The following AOAH variants were observed in gnomAD, a reference collection of about 807,000 sequenced individuals.
The protein encoded by AOAH is acyloxyacyl hydrolase, also known as acyloxyacyl hydrolase (neutrophil).
In AOAH, 64 loss-of-function variants were observed where a neutral mutation model predicts 92.2. The observed-to-expected ratio is 0.69, with a 90% CI of 0.57 to 0.86. The LOEUF (loss-of-function observed/expected upper bound fraction) is 0.86. AOAH is among the 40% of genes least tolerant of loss of function. The pLI, the probability that AOAH is intolerant of heterozygous loss-of-function variation, is 0.00. For synonymous variants in AOAH, 263 were observed against 254.5 expected (o/e 1.03, Z -0.32); for missense variants, 656 against 694.6 (o/e 0.94, Z 0.62).
intron 5 of AOAH, among the ~76,000 whole-genome samples, chr7:36,634,389 C>T (rs2727827): frequency 0.023 from 3,434 of 152,214 alleles, 67 homozygotes; most frequent in African/African-American, 0.056. Context: ...AATCCCTATC[C>T]TGTTTTGTTC....
intron 8 of AOAH, 65 bp from the exon 9 acceptor site, chr7:36,620,894 T>C (rs1792230802): frequency 3.5e-6 from 5 of 1,430,758 alleles, no homozygotes; most frequent in Non-Finnish European, 4.9e-6. Context: ...GTCAGTTTCA[T>C]GCATGAATGA....
intron 2 of AOAH, among the ~76,000 whole-genome samples, chr7:36,683,621 A>T: frequency 6.6e-6 from 1 of 152,314 alleles, no homozygotes; most frequent in East Asian, 1.9e-4. Context: ...TGGAGATTTT[A>T]ATTCTATCAA....
intron 2 of AOAH, among the ~76,000 whole-genome samples, chr7:36,675,505 T>G (rs951374513): frequency 2.0e-5 from 3 of 152,184 alleles, no homozygotes; most frequent in African/African-American, 7.2e-5. Flanking sequence ...AATTAAAAAC[T>G]TCCCACAAAG....
chr7:36,586,128 C>T (rs1158541343), intron 12 of AOAH, among the ~76,000 whole-genome samples: 2 of 152,036 alleles, frequency 1.3e-5, no homozygotes, highest in African/African-American at 4.8e-5. Flanking sequence ...CCTTCATTCC[C>T]TTTCTCTGCC....
chr7:36,681,022 T>G (rs533719662), intron 2 of AOAH, among the ~76,000 whole-genome samples: 131 of 152,234 alleles, frequency 8.6e-4, no homozygotes, highest in African/African-American at 3.1e-3. Flanking sequence ...GAAGAGGGAA[T>G]AATCTAGGAA....
chr7:36,571,254 CA>C (rs1303713319), intron 13 of AOAH, among the ~76,000 whole-genome samples: 1 of 152,170 alleles, frequency 6.6e-6, no homozygotes, highest in Non-Finnish European at 1.5e-5. Context: ...TGGGTCTCCC[CA>C]GCTGGGTGGG....
chr7:36,554,519 AGAAAGTCATTGGTAGCTT>A (rs1489663418), intron 13 of AOAH, among the ~76,000 whole-genome samples: 1 of 152,238 alleles, frequency 6.6e-6, no homozygotes, highest in African/African-American at 2.4e-5. Context: ...AATTCTGTGA[AGAAAGTCATTGGTAGCTT>A]GATGGCGATG....
At chr7:36,718,904 T>C (rs1475176655) in intron 1 of AOAH, among the ~76,000 whole-genome samples, 1 of 152,244 alleles carries the variant, frequency 6.6e-6, no homozygotes, top group East Asian at 1.9e-4. Context: ...ATGCCACTTT[T>C]ACACTTTAAA....
chr7:36,584,190 T>A lies in AOAH; in HGVS notation c.939-7534A>T, dbSNP rs1475373357. On this transcript the variant is annotated intron_variant, in intron 12 of 20. Transcript: ENST00000617537. ...TATACCAAATAAGCTTGTTTCCCTT[T>A]ATTTAAATTAACATTTCCAAAACTT... Among the ~76,000 whole-genome samples, 5 of 152,380 alleles carry A rather than the reference T, an allele frequency of 3.3e-5. No homozygotes were observed. In the East Asian group the frequency reaches 5.8e-4, roughly 18 times the overall value.
intron 11 of AOAH, among the ~76,000 whole-genome samples, chr7:36,613,310 C>G (rs1258862533): frequency 6.6e-6 from 1 of 152,150 alleles, no homozygotes; most frequent in Non-Finnish European, 1.5e-5. Context: ...CTCCTAGTAT[C>G]TTCCCTCGTT....
chr7:36,615,921 T>C (rs927692657), intron 11 of AOAH, among the ~76,000 whole-genome samples: 2 of 151,866 alleles, frequency 1.3e-5, no homozygotes, highest in Non-Finnish European at 2.9e-5. Context: ...GACAGTCTCA[T>C]CACTCTTTGG....
At position 36,526,568 on chromosome 7, in the gene AOAH, T is replaced by C. The variant is rs147676254; in HGVS notation, c.1522+3850A>G. On this transcript the variant is annotated intron_variant, in intron 19 of 20. Coordinates refer to ENST00000617537, the MANE Select transcript of AOAH (RefSeq NM_001637.4). ...AAGTTGGTCAGCTTCCTTTCTACTTTGGACCATAACTTAAAATAGACCAAT... is the reference window on the plus strand; with the variant it reads ...AAGTTGGTCAGCTTCCTTTCTACTTCGGACCATAACTTAAAATAGACCAAT... Among the ~76,000 whole-genome samples the C allele has an allele frequency of 6.9e-4, 105 of 152,352 alleles. 1 individual carries two copies. In the East Asian group the frequency reaches 0.019, roughly 27 times the overall value.
rs894402616 is a variant in AOAH, at chr7:36,660,355, G to A, written c.291-1090C>T. Reference sequence around the variant, plus strand: ...TTTTGACGCAGAGTCTTGCTCTGTCGCCCAGGCTGGAGTGCAGTGGAATAA... The same window carrying A: ...TTTTGACGCAGAGTCTTGCTCTGTCACCCAGGCTGGAGTGCAGTGGAATAA... On this transcript the variant is annotated intron_variant, in intron 3 of 20. Transcript: ENST00000617537. Among the ~76,000 whole-genome samples, 12 of 152,186 alleles carry A rather than the reference G, an allele frequency of 7.9e-5. No homozygotes were observed. The East Asian group carries it at 1.5e-3, about 20-fold the overall frequency.
intron 2 of AOAH, among the ~76,000 whole-genome samples, chr7:36,678,584 TGTGTGTGTGTGTGTGTGCGCGC>T (rs987508166): frequency 5.7e-5 from 6 of 105,814 alleles, no homozygotes; most frequent in African/African-American, 2.6e-4. Context: ...TGTGTGTGTG[TGTGTGTGTGTGTGTGTGCGCGC>T]GCGCGCGCGT....
At chr7:36,659,763 T>TA in intron 3 of AOAH, among the ~76,000 whole-genome samples, 1 of 149,608 alleles carries the variant, frequency 6.7e-6, no homozygotes, top group Non-Finnish European at 1.5e-5. Context: ...TTCTTTTTTT[T>TA]TTTTTTTTTT....
chr7:36,517,228 C>CTTTTTCTTTCTTTCTG (rs200489121), intron 20 of AOAH, among the ~76,000 whole-genome samples: 1 of 54,784 alleles, frequency 1.8e-5, no homozygotes, highest in Non-Finnish European at 4.0e-5. Flanking sequence ...TTCTTTCTGT[C>CTTTTTCTTTCTTTCTG]TCTCTCTCTC....
chr7:36,630,260 G>A (rs535229417), intron 6 of AOAH, among the ~76,000 whole-genome samples: 36 of 152,156 alleles, frequency 2.4e-4, no homozygotes, highest in Non-Finnish European at 4.0e-4. Context: ...TTTTGTAACC[G>A]CAGACATAGG....
intron 12 of AOAH, among the ~76,000 whole-genome samples, chr7:36,589,610 G>C (rs1019764986): frequency 5.3e-5 from 8 of 152,194 alleles, no homozygotes; most frequent in Non-Finnish European, 1.0e-4. Context: ...GGGAGAGAAC[G>C]TCAGAGATCA....
chr7:36,694,369 G>C (rs1392794741), intron 1 of AOAH, among the ~76,000 whole-genome samples: 1 of 152,042 alleles, frequency 6.6e-6, no homozygotes, highest in Non-Finnish European at 1.5e-5. Flanking sequence ...GTGGTGGCAT[G>C]CACCTGTAAT....
Sources: allele counts gnomAD v4.1 joint callset (sites outside exome capture counted in the v4.1 genomes callset), GRCh38; gene constraint gnomAD v4.1.1; transcripts MANE v1.5; gene names NCBI Gene and HGNC (gene_info 2026-07-23, HGNC 2026-07-21).